NRXN3: variants seen among roughly 807,000 people sequenced by gnomAD.
NRXN3 encodes the protein neurexin 3.
In NRXN3, 32 loss-of-function variants were observed where a neutral mutation model predicts 137.6. The ratio of observed to expected loss-of-function variants is 0.23; its 90% CI spans 0.18 to 0.31. The LOEUF (loss-of-function observed/expected upper bound fraction) is 0.31. Among genes scored for constraint, NRXN3 ranks in the 10% least tolerant of loss-of-function variants. The pLI is 1.00. For synonymous variants in NRXN3, 798 were observed against 784.5 expected, an observed-to-expected ratio of 1.02 and a Z score of -0.29; for missense variants, 1,574 against 2,062.5, an observed-to-expected ratio of 0.76 and a Z score of 4.59.
At chr14:79,333,173 C>T (rs2091927000) in intron 15 of NRXN3, among the ~76,000 whole-genome samples, 1 of 151,902 alleles carries the variant, frequency 6.6e-6, no homozygotes, top group South Asian at 2.1e-4. Flanking sequence ...AAATTATCCC[C>T]TCAACTACTC....
At chr14:78,866,578 G>A (rs2099087254) in intron 10 of NRXN3, among the ~76,000 whole-genome samples, 2 of 152,064 alleles carry the variant, frequency 1.3e-5, no homozygotes, top group Admixed American at 6.6e-5. Flanking sequence ...TGATTAGACT[G>A]CAAAGTAGTA....
chr14:79,698,788 A>G (rs537767564), intron 19 of NRXN3, among the ~76,000 whole-genome samples: 59 of 152,042 alleles, frequency 3.9e-4, no homozygotes, highest in Non-Finnish European at 7.5e-4. Context: ...TTATAGAAAA[A>G]TCAGTAGATT....
chr14:79,618,070 ACTT>A (rs1261117973), intron 16 of NRXN3, among the ~76,000 whole-genome samples: 3 of 152,042 alleles, frequency 2.0e-5, no homozygotes, highest in Non-Finnish European at 4.4e-5. Context: ...AATATTGAAG[ACTT>A]CTTTGTAGTC....
intron 1 of NRXN3, among the ~76,000 whole-genome samples, chr14:78,228,188 C>T (rs1199637439): frequency 6.9e-6 from 1 of 144,732 alleles, no homozygotes; most frequent in Non-Finnish European, 1.5e-5. Context: ...GACAGAGTCT[C>T]ACTCTGTCGC....
chr14:79,577,511 C>T (rs2097676290), intron 16 of NRXN3, among the ~76,000 whole-genome samples: 1 of 152,160 alleles, frequency 6.6e-6, no homozygotes, highest in Non-Finnish European at 1.5e-5. Context: ...CCAGATCAAA[C>T]ACTCTTTCTG....
intron 20 of NRXN3, among the ~76,000 whole-genome samples, chr14:79,839,615 T>G (rs866085558): frequency 6.6e-6 from 1 of 152,224 alleles, no homozygotes; most frequent in South Asian, 2.1e-4. Flanking sequence ...TTGTAGATTG[T>G]TTCCTTTAGT....
chr14:79,196,638 T>TATAGATAGATAG (rs74878655), intron 15 of NRXN3, among the ~76,000 whole-genome samples: 1 of 151,502 alleles, frequency 6.6e-6, no homozygotes, highest in Non-Finnish European at 1.5e-5. Context: ...CTGTGATTGA[T>TATAGATAGATAG]ATAGATAGAT....
At chr14:79,362,284 T>G (rs1034782372) in intron 15 of NRXN3, among the ~76,000 whole-genome samples, 1 of 151,894 alleles carries the variant, frequency 6.6e-6, no homozygotes, top group Non-Finnish European at 1.5e-5. Context: ...TATCTCCTAA[T>G]GCTATCCCTC....
chr14:78,914,683 G>A (rs187104176), intron 10 of NRXN3, among the ~76,000 whole-genome samples: 155 of 152,248 alleles, frequency 1.0e-3, no homozygotes, highest in African/African-American at 3.5e-3. Flanking sequence ...TAAGAGATGA[G>A]ACTAGAAAAG....
intron 19 of NRXN3, among the ~76,000 whole-genome samples, chr14:79,803,079 C>A (rs774140344): frequency 2.0e-5 from 3 of 151,946 alleles, no homozygotes; most frequent in African/African-American, 4.8e-5. Flanking sequence ...TTTCTGCTAG[C>A]CTTGAGGAGC....
chr14:79,126,862 C>T (rs144171717), intron 15 of NRXN3, among the ~76,000 whole-genome samples: 1,758 of 152,180 alleles, frequency 0.012, 31 homozygotes, highest in African/African-American at 0.039. Context: ...TTAATGATTG[C>T]CATTGTAACT....
At chr14:79,030,919 C>T (rs897168868) in intron 15 of NRXN3, among the ~76,000 whole-genome samples, 2 of 151,896 alleles carry the variant, frequency 1.3e-5, no homozygotes, top group Non-Finnish European at 2.9e-5. Context: ...CTGCCTCTCT[C>T]TGTTTGTATC....
chr14:78,880,965 T>G (rs561364302), intron 10 of NRXN3, among the ~76,000 whole-genome samples: 1 of 152,150 alleles, frequency 6.6e-6, no homozygotes, highest in Non-Finnish European at 1.5e-5. Context: ...GAGAAGTAAT[T>G]AAATCACGGG....
chr14:78,332,394 C>A lies in NRXN3; in HGVS notation c.757+34534C>A, dbSNP rs539334298. 1.7e-3 allele frequency among the ~76,000 whole-genome samples: 251 copies of A among 150,520 alleles called. 1 individual carries two copies. The highest frequency in any genetic ancestry group is 2.5e-3 in the Admixed American group (38 of 15,058). On this transcript the variant is annotated intron_variant, in intron 4 of 20. Transcript: ENST00000335750. ...GCAGTGGCATGATCTCAGCTCACTG[C>A]AACCTCTGCCTCCCGGTTTCAAGCA... is the stretch of plus-strand genomic sequence containing the variant.
chr14:79,331,633 C>T (rs1000076086), intron 15 of NRXN3, among the ~76,000 whole-genome samples: 1 of 152,110 alleles, frequency 6.6e-6, no homozygotes, highest in African/African-American at 2.4e-5. Context: ...GGACAGTCAC[C>T]TTTAATTACC....
rs200506608 is a variant in NRXN3, at chr14:78,751,712, A to AG, written c.2044+36578dup. Among the ~76,000 whole-genome samples, 1,252 of 152,226 alleles carry AG rather than the reference A, an allele frequency of 8.2e-3. 14 individuals carry two copies. Among genetic ancestry groups the AG allele is most frequent in the Middle Eastern group, 0.031 (9 of 294 alleles). On this transcript the variant is annotated intron_variant, in intron 8 of 20. Transcript: ENST00000335750. ...GTGTGCCTGCCCTGGAGGGGACGGAAGGGGGAAGGAGTGAGGTAAAGTAAG... is the reference window on the plus strand; with the variant it reads ...GTGTGCCTGCCCTGGAGGGGACGGAAGGGGGGAAGGAGTGAGGTAAAGTAAG...
At chr14:79,549,674 A>G (rs1380308751) in intron 16 of NRXN3, among the ~76,000 whole-genome samples, 1 of 152,074 alleles carries the variant, frequency 6.6e-6, no homozygotes, top group East Asian at 1.9e-4. Context: ...CACATTCACC[A>G]TTAGACCCAG....
intron 10 of NRXN3, among the ~76,000 whole-genome samples, chr14:78,862,718 C>T (rs1245257455): frequency 6.6e-6 from 1 of 152,076 alleles, no homozygotes; most frequent in African/African-American, 2.4e-5. Flanking sequence ...TAAGACCACT[C>T]TGTCATGAAA....
At chr14:79,786,379 T>G (rs764531842) in intron 19 of NRXN3, among the ~76,000 whole-genome samples, 1 of 152,204 alleles carries the variant, frequency 6.6e-6, no homozygotes, top group Admixed American at 6.5e-5. Flanking sequence ...ACTTGTTTCA[T>G]GGAGGGGTAA....
Sources: allele counts gnomAD v4.1 joint callset (sites outside exome capture counted in the v4.1 genomes callset), GRCh38; gene constraint gnomAD v4.1.1; transcripts MANE v1.5; gene names NCBI Gene and HGNC (gene_info 2026-07-23, HGNC 2026-07-21).